AKIRIN2: variants seen among roughly 807,000 people sequenced by gnomAD.
The protein encoded by AKIRIN2 is akirin-2.
AKIRIN2 carries 6 observed loss-of-function variants against 29.3 expected under a neutral mutation model. That is an observed-to-expected ratio of 0.20 (90% CI 0.11 to 0.40). The LOEUF (loss-of-function observed/expected upper bound fraction) is 0.40. Among genes scored for constraint, AKIRIN2 ranks in the 10% least tolerant of loss-of-function variants. AKIRIN2 has a pLI of 1.00. For synonymous variants in AKIRIN2, 128 were observed against 117.5 expected (o/e 1.09, Z -0.58); for missense variants, 210 against 276.1 (o/e 0.76, Z 1.70).
At chr6:87,687,524 C>A (rs1195112720) in intron 1 of AKIRIN2, among the ~76,000 whole-genome samples, 1 of 151,072 alleles carries the variant, frequency 6.6e-6, no homozygotes, top group East Asian at 1.9e-4. Flanking sequence ...ATCATCTCTG[C>A]AGAAACTAAA....
chr6:87,685,461 C>T, intron 1 of AKIRIN2, among the ~76,000 whole-genome samples: 1 of 152,192 alleles, frequency 6.6e-6, no homozygotes, highest in East Asian at 1.9e-4. Context: ...TAGATCTGGC[C>T]ATCTCTTATC....
chr6:87,678,878 G>A (rs1257722763), intron 2 of AKIRIN2, among the ~76,000 whole-genome samples: 1 of 152,164 alleles, frequency 6.6e-6, no homozygotes, highest in Non-Finnish European at 1.5e-5. Flanking sequence ...GCTCACGCCT[G>A]TATTACCAGC....
At chr6:87,692,715 G>A (rs943654837) in intron 1 of AKIRIN2, among the ~76,000 whole-genome samples, 1 of 152,204 alleles carries the variant, frequency 6.6e-6, no homozygotes, top group Non-Finnish European at 1.5e-5. Context: ...AGAAGGCTAA[G>A]GCAGGAGAAT....
chr6:87,693,361 T>A (rs1304807570), intron 1 of AKIRIN2, among the ~76,000 whole-genome samples: 1 of 152,208 alleles, frequency 6.6e-6, no homozygotes, highest in African/African-American at 2.4e-5. Context: ...ATATAAGGGA[T>A]GCTTCAAGAC....
intron 1 of AKIRIN2, among the ~76,000 whole-genome samples, chr6:87,696,197 C>T (rs1771358077): frequency 6.6e-6 from 1 of 151,786 alleles, no homozygotes; most frequent in Non-Finnish European, 1.5e-5. Flanking sequence ...AAAACAAAGA[C>T]CCGATTAGTA....
chr6:87,676,013 A>G, intron 3 of AKIRIN2, 82 bp from the exon 4 acceptor site: 2 of 1,167,952 alleles, frequency 1.7e-6, no homozygotes, highest in Admixed American at 2.1e-5. Flanking sequence ...AATATACAGT[A>G]AAACAATTCT....
chr6:87,701,935 G>C lies in AKIRIN2; in HGVS notation c.-251C>G, dbSNP rs368908548. The C allele has an allele frequency of 7.3e-6, 3 of 410,656 alleles. No homozygotes were observed. Among genetic ancestry groups the C allele is most frequent in the South Asian group, 8.6e-5 (1 of 11,588 alleles). The allele number at this position is 410,656 out of a possible 1,614,324, so 25.4% of individuals were successfully genotyped here. A position where few individuals can be genotyped will look rare whatever the true frequency, so the allele number is the denominator to read the frequency against. On this transcript the variant is annotated 5_prime_UTR_variant, in exon 1 of 5. Transcript: ENST00000257787. ...CGGTGGCGGGCAGAAGCACACGCCAGTCGCGTCAGGGGGGTTCTTCCGCCT... is the reference window on the plus strand; with the variant it reads ...CGGTGGCGGGCAGAAGCACACGCCACTCGCGTCAGGGGGGTTCTTCCGCCT...
Position 87,681,732 on chromosome 6 carries a change from A to G in AKIRIN2, c.267T>C (p.Tyr89=). Residue 89 remains tyrosine (Y), a synonymous_variant, in exon 2 of 5, where the codon TAT becomes TAC. Coordinates refer to ENST00000257787, the MANE Select transcript of AKIRIN2 (RefSeq NM_018064.4). ...EQILYNIKQE[Y]KRMQKRRHLE... ...AATGTCTTCTCTTCTGCATTCGTTT[A>G]TACTCTTGTTTTATGTTGTACAGAA... The G allele has an allele frequency of 6.2e-7, 1 of 1,609,832 alleles. No homozygotes were observed. Among genetic ancestry groups the G allele is most frequent in the Non-Finnish European group, 8.5e-7 (1 of 1,177,534 alleles).
chr6:87,695,718 A>G (rs1440218118), intron 1 of AKIRIN2, among the ~76,000 whole-genome samples: 1 of 152,214 alleles, frequency 6.6e-6, no homozygotes, highest in Non-Finnish European at 1.5e-5. Context: ...AAGAGGCCCA[A>G]ACTTAACCCA....
intron 1 of AKIRIN2, among the ~76,000 whole-genome samples, chr6:87,694,814 A>G (rs1331757243): frequency 6.6e-6 from 1 of 152,208 alleles, no homozygotes; most frequent in Non-Finnish European, 1.5e-5. Flanking sequence ...CCATCACAAG[A>G]AATATTACAA....
At chr6:87,677,256 A>G (rs987160990) in intron 3 of AKIRIN2, among the ~76,000 whole-genome samples, 2 of 152,200 alleles carry the variant, frequency 1.3e-5, no homozygotes, top group African/African-American at 4.8e-5. Context: ...AAGTTGTTAT[A>G]TATCTAAGCA....
chr6:87,687,070 A>G (rs1161562593), intron 1 of AKIRIN2, among the ~76,000 whole-genome samples: 3 of 149,452 alleles, frequency 2.0e-5, no homozygotes, highest in African/African-American at 7.5e-5. Flanking sequence ...AAAAATCTTG[A>G]AAGTCTGCCA....
At position 87,702,202 on chromosome 6, in the gene AKIRIN2, G is replaced by A. The variant is rs749247599; in HGVS notation, c.-518C>T. 3.3e-5 allele frequency: 13 copies of A among 397,808 alleles called. 1 individual carries two copies. In the Middle Eastern group the frequency reaches 1.9e-3, roughly 57 times the overall value. 24.6% of individuals were successfully genotyped at this position (397,808 alleles called of 1,614,324 possible). A position where few individuals can be genotyped will look rare whatever the true frequency, so the allele number is the denominator to read the frequency against. ...CCGCAGCAGGAACCCAAGCGAACAC[G>A]TCCAACCGCTTCCCCTCCCTCGTAG... On this transcript the variant is annotated 5_prime_UTR_variant, in exon 1 of 5. In the 5' UTR this introduces an upstream ATG that the reference lacks. Transcript: ENST00000257787.
At chr6:87,700,661 C>T (rs996884057) in intron 1 of AKIRIN2, 1 of 152,394 alleles carries the variant, frequency 6.6e-6, no homozygotes, top group African/African-American at 2.4e-5. Flanking sequence ...ATTCTCAAGG[C>T]TAGGTTGTTT....
chr6:87,698,007 ATTCT>A (rs1051637483), intron 1 of AKIRIN2, among the ~76,000 whole-genome samples: 7 of 152,274 alleles, frequency 4.6e-5, no homozygotes, highest in African/African-American at 7.2e-5. Flanking sequence ...TTTTATTAAA[ATTCT>A]TTCTTGGGAA....
chr6:87,677,644 G>A (rs1275872494), intron 3 of AKIRIN2, among the ~76,000 whole-genome samples, 174 bp downstream of exon 3: 1 of 152,158 alleles, frequency 6.6e-6, no homozygotes, highest in Admixed American at 6.5e-5. Flanking sequence ...TTTTCCTCAG[G>A]TTACCAAGGC....
chr6:87,692,832 C>A (rs150905194), intron 1 of AKIRIN2, among the ~76,000 whole-genome samples: 1 of 151,824 alleles, frequency 6.6e-6, no homozygotes, highest in Non-Finnish European at 1.5e-5. Flanking sequence ...AATATCACAA[C>A]GAGGAAAGTT....
intron 1 of AKIRIN2, among the ~76,000 whole-genome samples, chr6:87,687,307 C>T (rs2128301817): frequency 6.6e-6 from 1 of 150,542 alleles, no homozygotes; most frequent in Middle Eastern, 3.4e-3. Flanking sequence ...CTTTGGGTGG[C>T]TAAGGTGGGC....
chr6:87,682,381 CATGTAAA>C (rs1474586012), intron 1 of AKIRIN2, among the ~76,000 whole-genome samples: 1 of 152,080 alleles, frequency 6.6e-6, no homozygotes, highest in Non-Finnish European at 1.5e-5. Context: ...AGGGGGAGAC[CATGTAAA>C]GTGATTGGTA....
Sources: allele counts gnomAD v4.1 joint callset (sites outside exome capture counted in the v4.1 genomes callset), GRCh38; gene constraint gnomAD v4.1.1; transcripts MANE v1.5; gene names NCBI Gene and HGNC (gene_info 2026-07-23, HGNC 2026-07-21).